PAFAH1B2: variants seen among roughly 807,000 people sequenced by gnomAD.
The protein encoded by PAFAH1B2 is platelet activating factor acetylhydrolase 1b catalytic subunit 2.
Under a neutral mutation model 28.0 loss-of-function variants are expected in PAFAH1B2, and 8 were observed. That is an observed-to-expected ratio of 0.29 (90% CI 0.17 to 0.52). The LOEUF is 0.52. PAFAH1B2 is among the 20% of genes least tolerant of loss of function. The probability of loss-of-function intolerance (pLI) is 0.97; values close to 1 mark genes in which losing one functional copy is unlikely to be tolerated. For synonymous variants in PAFAH1B2, 104 were observed against 103.2 expected (o/e 1.01, Z -0.05); for missense variants, 190 against 282.6 (o/e 0.67, Z 2.35).
chr11:117,151,423 G>T (rs1170749247), intron 1 of PAFAH1B2, among the ~76,000 whole-genome samples: 1 of 151,804 alleles, frequency 6.6e-6, no homozygotes, highest in Non-Finnish European at 1.5e-5. Context: ...TAGAGACGGG[G>T]TTTCACTATG....
Position 117,167,985 on chromosome 11 carries a change from G to A in PAFAH1B2, c.*286G>A, listed in dbSNP as rs183925361. ...ACACATTCATTGAATTATTATCACTGTTTTCTTGGGACAACATCAAGCCTA... is the reference window on the plus strand; with the variant it reads ...ACACATTCATTGAATTATTATCACTATTTTCTTGGGACAACATCAAGCCTA... On this transcript the variant is annotated 3_prime_UTR_variant, in exon 6 of 6. Transcript: ENST00000527958. 5.5e-5 allele frequency: 60 copies of A among 1,087,248 alleles called. No individual in the cohort carries two copies. In the Middle Eastern group the frequency reaches 2.4e-3, roughly 43 times the overall value. The allele number at this position is 1,087,248 out of a possible 1,614,324, so 67.4% of individuals were successfully genotyped here. A position where few individuals can be genotyped will look rare whatever the true frequency, so the allele number is the denominator to read the frequency against.
At position 117,144,308 on chromosome 11, in the gene PAFAH1B2, G is replaced by C. The variant is rs1270055373; in HGVS notation, c.-118G>C. 7.7e-6 allele frequency: 3 copies of C among 391,016 alleles called. No individual in the cohort carries two copies. 24.2% of individuals were successfully genotyped at this position (391,016 alleles called of 1,614,324 possible). ...AAGTGGAGGAGCTGCTGCTGGTGCT[G>C]GGGCCGGAGGAGGGACGCGCCGGAG... On this transcript the variant is annotated 5_prime_UTR_variant, in exon 1 of 6. Transcript: ENST00000527958.
intron 1 of PAFAH1B2, among the ~76,000 whole-genome samples, chr11:117,146,502 C>T (rs1399737641): frequency 6.6e-6 from 1 of 152,136 alleles, no homozygotes; most frequent in Non-Finnish European, 1.5e-5. Flanking sequence ...CAGCTGGAGC[C>T]TGAGCAACAT....
chr11:117,163,092 C>T (rs79118964), intron 4 of PAFAH1B2, among the ~76,000 whole-genome samples: 2,631 of 152,276 alleles, frequency 0.017, 59 homozygotes, highest in East Asian at 0.094. Flanking sequence ...CTCTTGTTTC[C>T]TCCTAGTACA....
chr11:117,153,488 T>G (rs1214575370), intron 2 of PAFAH1B2, among the ~76,000 whole-genome samples: 2 of 152,176 alleles, frequency 1.3e-5, no homozygotes, highest in Admixed American at 1.3e-4. Flanking sequence ...CACCCTGGGT[T>G]CAAGATATTC....
chr11:117,168,228 T>A lies in PAFAH1B2; in HGVS notation c.*529T>A. ...AGGTTGAACATGCTTGTCATTGATA[T>A]ATGGAAGATGCTATAGTTAGAAGTG... is the stretch of plus-strand genomic sequence containing the variant. On this transcript the variant is annotated 3_prime_UTR_variant, in exon 6 of 6. Coordinates refer to ENST00000527958, the MANE Select transcript of PAFAH1B2 (RefSeq NM_002572.4). The A allele has an allele frequency of 9.4e-7, 1 of 1,060,066 alleles. No individual in the cohort carries two copies. The highest frequency in any genetic ancestry group is 1.1e-6 in the Non-Finnish European group (1 of 875,468). The allele number at this position is 1,060,066 out of a possible 1,614,324, so 65.7% of individuals were successfully genotyped here. A position where few individuals can be genotyped will look rare whatever the true frequency, so the allele number is the denominator to read the frequency against.
downstream of PAFAH1B2, among the ~76,000 whole-genome samples, chr11:117,171,946 A>G (rs540351046): frequency 5.3e-5 from 8 of 152,016 alleles, no homozygotes; most frequent in African/African-American, 1.9e-4. Flanking sequence ...ATCTCATCAC[A>G]CCAAGTTCCT....
At chr11:117,172,048 G>A (rs1193809469), downstream of PAFAH1B2, among the ~76,000 whole-genome samples, 1 of 151,884 alleles carries the variant, frequency 6.6e-6, no homozygotes, top group Non-Finnish European at 1.5e-5. Flanking sequence ...TTGCTTTACT[G>A]TATGTGGATT....
At chr11:117,165,507 C>T (rs1956485999) in intron 5 of PAFAH1B2, among the ~76,000 whole-genome samples, 1 of 152,134 alleles carries the variant, frequency 6.6e-6, no homozygotes, top group Non-Finnish European at 1.5e-5. Context: ...AGGCACTATC[C>T]TAGTTCTTGA....
Position 117,159,709 on chromosome 11 carries a change from T to C in PAFAH1B2, c.82-225T>C, listed in dbSNP as rs552671620. Reference sequence around the variant, plus strand: ...AAGATCACGCCACTGTACTCCAGCCTGGGTGAGAGAGCCAGACGCTGTCTT... The same window carrying C: ...AAGATCACGCCACTGTACTCCAGCCCGGGTGAGAGAGCCAGACGCTGTCTT... On this transcript the variant is annotated intron_variant, in intron 2 of 5. Transcript: ENST00000527958. The C allele has an allele frequency of 5.2e-5, 24 of 463,090 alleles. No individual in the cohort carries two copies. The South Asian group carries it at 7.3e-4, about 14-fold the overall frequency. 28.7% of individuals were successfully genotyped at this position (463,090 alleles called of 1,614,324 possible).
chr11:117,173,744 C>A (rs994875812), downstream of PAFAH1B2, among the ~76,000 whole-genome samples: 5 of 152,160 alleles, frequency 3.3e-5, no homozygotes, highest in African/African-American at 1.2e-4. Flanking sequence ...TAACTGATTC[C>A]CAATCTAACA....
At chr11:117,160,085 A>G in intron 3 of PAFAH1B2, 62 bp downstream of exon 3, 1 of 1,121,996 alleles carries the variant, frequency 8.9e-7, no homozygotes, top group East Asian at 2.3e-5. Flanking sequence ...CATTACTAAC[A>G]GACTTTCATT....
At chr11:117,175,219 G>T, downstream of PAFAH1B2, 1 of 1,097,488 alleles carries the variant, frequency 9.1e-7, no homozygotes, top group East Asian at 4.6e-5. Context: ...CTGGACCTGT[G>T]CACAAGGCCA....
chr11:117,145,726 C>T (rs533557124), intron 1 of PAFAH1B2, among the ~76,000 whole-genome samples: 2 of 152,192 alleles, frequency 1.3e-5, no homozygotes, highest in Non-Finnish European at 2.9e-5. Context: ...TACCCACTCC[C>T]TCTGAAACAA....
intron 5 of PAFAH1B2, among the ~76,000 whole-genome samples, chr11:117,165,111 A>G (rs916500443): frequency 6.7e-6 from 1 of 150,116 alleles, no homozygotes; most frequent in African/African-American, 2.4e-5. Flanking sequence ...GCCCGCCACC[A>G]CACCCGGCTA....
At chr11:117,163,672 CAAAAAAA>C (rs3057863) in intron 4 of PAFAH1B2, 91 bp from the exon 5 acceptor site, 61,338 of 1,003,258 alleles carry the variant, frequency 0.061, 26 homozygotes, top group Non-Finnish European at 0.07. Flanking sequence ...GACCCCATCT[CAAAAAAA>C]AAAAAAAAAA....
At chr11:117,172,388 ATATATATATATATATATTT>A (rs1956685841), downstream of PAFAH1B2, among the ~76,000 whole-genome samples, 7 of 1,838 alleles carry the variant, frequency 3.8e-3, no homozygotes, top group East Asian at 0.024. Flanking sequence ...ATATATATAT[ATATATATATATATATATTT>A]TTTTTTTTTT....
rs1956551050 is a variant in PAFAH1B2 at position 117,167,988 on chromosome 11, T to C, written c.*289T>C. On this transcript the variant is annotated 3_prime_UTR_variant, in exon 6 of 6. Transcript: ENST00000527958. ...CATTCATTGAATTATTATCACTGTT[T>C]TCTTGGGACAACATCAAGCCTAAAT... 9.2e-7 allele frequency: 1 copy of C among 1,086,574 alleles called. No individual in the cohort carries two copies. Among genetic ancestry groups the C allele is most frequent in the Non-Finnish European group, 1.1e-6 (1 of 894,012 alleles). The allele number at this position is 1,086,574 out of a possible 1,614,324, so 67.3% of individuals were successfully genotyped here.
chr11:117,144,292 A>T lies in PAFAH1B2; in HGVS notation c.-134A>T, dbSNP rs1471927889. On this transcript the variant is annotated 5_prime_UTR_variant, in exon 1 of 6. Coordinates refer to ENST00000527958, the MANE Select transcript of PAFAH1B2 (RefSeq NM_002572.4). Reference sequence around the variant, plus strand: ...GTGGCAGGGGAACCGGAAGTGGAGGAGCTGCTGCTGGTGCTGGGGCCGGAG... The same window carrying T: ...GTGGCAGGGGAACCGGAAGTGGAGGTGCTGCTGCTGGTGCTGGGGCCGGAG... 1.1e-5 allele frequency: 4 copies of T among 376,328 alleles called. No homozygotes were observed. The highest frequency in any genetic ancestry group is 7.0e-5 in the South Asian group (4 of 57,076). 23.3% of individuals were successfully genotyped at this position (376,328 alleles called of 1,614,324 possible).
Sources: gnomAD v4.1 joint callset for allele counts (sites outside exome capture counted in the v4.1 genomes callset) on GRCh38, gnomAD v4.1.1 for gene constraint, MANE v1.5 for transcripts, NCBI Gene and HGNC (gene_info 2026-07-23, HGNC 2026-07-21) for gene names.